The following CDH18 variants were observed in gnomAD, a reference collection of about 807,000 sequenced individuals.
CDH18 encodes the protein cadherin-18.
Under a neutral mutation model 67.9 loss-of-function variants are expected in CDH18, and 31 were observed. That is an observed-to-expected ratio of 0.46 (90% CI 0.34 to 0.62). CDH18 has a LOEUF of 0.62. Ranked by LOEUF, CDH18 falls within the 20% of genes least tolerant of loss-of-function variation. CDH18 has a pLI of 0.01. For synonymous variants in CDH18, 362 were observed against 347.2 expected, an observed-to-expected ratio of 1.04 and a Z score of -0.48; for missense variants, 890 against 975.5, an observed-to-expected ratio of 0.91 and a Z score of 1.17.
chr5:20,155,002 T>G (rs1395162381), intron 2 of CDH18, among the ~76,000 whole-genome samples: 1 of 152,184 alleles, frequency 6.6e-6, no homozygotes, highest in Admixed American at 6.5e-5. Flanking sequence ...TTTCTTCAGG[T>G]TTCTTTTCAA....
chr5:19,541,122 A>C (rs544419385), intron 9 of CDH18, among the ~76,000 whole-genome samples: 3 of 152,294 alleles, frequency 2.0e-5, no homozygotes, highest in Non-Finnish European at 4.4e-5. Flanking sequence ...GGGCAGGGGC[A>C]AAAAGCTGCT....
At chr5:19,497,535 AT>A (rs1742545984) in intron 11 of CDH18, among the ~76,000 whole-genome samples, 1 of 152,224 alleles carries the variant, frequency 6.6e-6, no homozygotes, top group Admixed American at 6.5e-5. Context: ...CAGATTCCAA[AT>A]TCAAGAGGGT....
At chr5:19,569,431 A>T (rs62349536) in intron 8 of CDH18, among the ~76,000 whole-genome samples, 8,731 of 152,256 alleles carry the variant, frequency 0.057, 287 homozygotes, top group Non-Finnish European at 0.074. Flanking sequence ...GTGATGGTTA[A>T]TTGTACATGT....
intron 10 of CDH18, among the ~76,000 whole-genome samples, chr5:19,515,217 G>A (rs546358233): frequency 6.6e-6 from 1 of 152,212 alleles, no homozygotes; most frequent in Non-Finnish European, 1.5e-5. Flanking sequence ...CTCTGTTTTG[G>A]TACCAGTACC....
rs60803879 is a variant in CDH18, at chr5:19,741,330, TCA to T, written c.523+5610_523+5611del. 8.6e-3 allele frequency among the ~76,000 whole-genome samples: 1,247 copies of T among 145,696 alleles called. 12 individuals are homozygous for T. The highest frequency in any genetic ancestry group is 0.019 in the African/African-American group (764 of 39,198). ...ATATATACATGTGTATATACATGTC[TCA>T]CACACACACACACACACACACACAC... On this transcript the variant is annotated intron_variant, in intron 4 of 12. Transcript: ENST00000382275.
At chr5:19,766,000 C>T (rs1438621515) in intron 3 of CDH18, among the ~76,000 whole-genome samples, 3 of 152,132 alleles carry the variant, frequency 2.0e-5, no homozygotes, top group Non-Finnish European at 4.4e-5. Flanking sequence ...CTGCCTCAGC[C>T]TCCCGAGTAG....
intron 9 of CDH18, among the ~76,000 whole-genome samples, chr5:19,536,136 CA>C (rs1749377289): frequency 6.6e-6 from 1 of 151,798 alleles, no homozygotes; most frequent in Non-Finnish European, 1.5e-5. Flanking sequence ...CTATGATGAA[CA>C]AAGATAAGTT....
intron 6 of CDH18, among the ~76,000 whole-genome samples, chr5:19,603,622 G>A (rs995057694): frequency 2.6e-5 from 4 of 151,450 alleles, no homozygotes; most frequent in Non-Finnish European, 5.9e-5. Flanking sequence ...AACAAATGCT[G>A]GGAATTTATG....
intron 2 of CDH18, among the ~76,000 whole-genome samples, chr5:19,962,378 C>CAAAAAAAAAAAAAAAAAAAAAA (rs3065078): frequency 5.8e-5 from 3 of 51,594 alleles, no homozygotes; most frequent in Admixed American, 3.0e-4. Context: ...CGTCAAAAAG[C>CAAAAAAAAAAAAAAAAAAAAAA]AAAAAAAAAA....
intron 1 of CDH18, among the ~76,000 whole-genome samples, chr5:19,983,027 C>T (rs1390951124): frequency 2.9e-4 from 30 of 103,798 alleles, no homozygotes; most frequent in African/African-American, 8.9e-4. Context: ...AGCAAGACTC[C>T]ATCTCGAAAA....
chr5:19,868,137 T>G (rs1785796911), intron 2 of CDH18, among the ~76,000 whole-genome samples: 1 of 152,206 alleles, frequency 6.6e-6, no homozygotes, highest in African/African-American at 2.4e-5. Context: ...AGGGTGAGAA[T>G]GGACTAATAG....
chr5:19,941,683 A>T (rs1794834377), intron 2 of CDH18, among the ~76,000 whole-genome samples: 1 of 152,060 alleles, frequency 6.6e-6, no homozygotes, highest in Non-Finnish European at 1.5e-5. Context: ...GCTACTTGGA[A>T]AGCTGAGGCA....
intron 1 of CDH18, among the ~76,000 whole-genome samples, chr5:20,378,881 C>T (rs1429810607): frequency 6.6e-6 from 1 of 151,986 alleles, no homozygotes; most frequent in Non-Finnish European, 1.5e-5. Flanking sequence ...CTTTGCAATA[C>T]ACATAAAAAC....
At chr5:19,597,928 A>G (rs1746428825) in intron 6 of CDH18, among the ~76,000 whole-genome samples, 1 of 152,168 alleles carries the variant, frequency 6.6e-6, no homozygotes, top group Non-Finnish European at 1.5e-5. Flanking sequence ...AGATGTAACT[A>G]AGATGTCGCA....
chr5:19,480,672 G>A (rs12153500), intron 12 of CDH18, among the ~76,000 whole-genome samples: 9 of 152,058 alleles, frequency 5.9e-5, no homozygotes, highest in Middle Eastern at 3.2e-3. Context: ...CACCGCGCCC[G>A]GCCATATAAA....
At chr5:20,007,004 A>C in intron 2 of CDH18, among the ~76,000 whole-genome samples, 1 of 152,062 alleles carries the variant, frequency 6.6e-6, no homozygotes, top group East Asian at 1.9e-4. Flanking sequence ...ATTGAGTTAA[A>C]TTTTTTTAGG....
intron 2 of CDH18, among the ~76,000 whole-genome samples, chr5:20,182,156 C>G (rs72743046): frequency 3.0e-4 from 45 of 152,114 alleles, no homozygotes; most frequent in Non-Finnish European, 5.4e-4. Flanking sequence ...GGGATAATAG[C>G]AAAACCAAGA....
At chr5:19,995,338 GTTTT>G (rs534479300) in intron 2 of CDH18, among the ~76,000 whole-genome samples, 2 of 151,478 alleles carry the variant, frequency 1.3e-5, no homozygotes, top group African/African-American at 4.9e-5. Flanking sequence ...ATATAAACTT[GTTTT>G]TTTATCATTA....
Position 20,557,859 on chromosome 5 carries a change from T to TAATGTTATAGTTATATAACATTA in CDH18, c.-580+17580_-580+17602dup, listed in dbSNP as rs1306583200. Among the ~76,000 whole-genome samples, 47 of 45,202 alleles carry TAATGTTATAGTTATATAACATTA rather than the reference T, an allele frequency of 1.0e-3. 10 individuals carry two copies. In the East Asian group the frequency reaches 0.024, roughly 23 times the overall value. 29.7% of individuals were successfully genotyped at this position (45,202 alleles called of 152,430 possible). A position where few individuals can be genotyped will look rare whatever the true frequency, so the allele number is the denominator to read the frequency against. The stretch of plus-strand genomic sequence containing the variant: ...AAATGTAACATTGTTATATAACATT[T>TAATGTTATAGTTATATAACATTA]AATGTTATAGTTATATAACATTAAA... On this transcript the variant is annotated intron_variant, in intron 1 of 14. Coordinates refer to the CDH18 transcript ENST00000507958.
Sources: gnomAD v4.1 joint callset for allele counts (sites outside exome capture counted in the v4.1 genomes callset) on GRCh38, gnomAD v4.1.1 for gene constraint, MANE v1.5 for transcripts, NCBI Gene and HGNC (gene_info 2026-07-23, HGNC 2026-07-21) for gene names.